MAX: variants seen among roughly 807,000 people sequenced by gnomAD.
The protein encoded by MAX is protein max.
MAX carries 3 observed loss-of-function variants against 22.3 expected under a neutral mutation model. The observed-to-expected ratio is 0.13, with a 90% CI of 0.06 to 0.35. The LOEUF (loss-of-function observed/expected upper bound fraction) is 0.35, where lower values mean the gene tolerates loss of function less well. Ranked by LOEUF, MAX falls within the 10% of genes least tolerant of loss-of-function variation. The pLI, the probability that MAX is intolerant of heterozygous loss-of-function variation, is 1.00. For synonymous variants in MAX, 72 were observed against 77.7 expected, an observed-to-expected ratio of 0.93 and a Z score of 0.39; for missense variants, 119 against 209.4, an observed-to-expected ratio of 0.57 and a Z score of 2.66.
At chr14:65,101,395 C>A in intron 2 of MAX, 151 bp downstream of exon 2, 4 of 702,512 alleles carry the variant, frequency 5.7e-6, no homozygotes, top group African/African-American at 1.8e-5. Context: ...ACCCCCCCAC[C>A]CTCCAGAACC....
intron 3 of MAX, chr14:65,089,840 C>T (rs568196090): frequency 4.5e-5 from 6 of 134,274 alleles, no homozygotes; most frequent in Admixed American, 7.9e-5. Flanking sequence ...GCCCTTACTC[C>T]ATTACTCTGG....
intron 3 of MAX, among the ~76,000 whole-genome samples, chr14:65,081,073 C>G (rs371829014): frequency 8.3e-4 from 126 of 152,294 alleles, no homozygotes; most frequent in African/African-American, 2.8e-3. Context: ...TTGGGAACAA[C>G]AGGAGTCCAA....
In MAX at chr14:65,014,330, A is replaced by G. The variant is rs1473349313; in HGVS notation, c.172-8046T>C. ...CATTTTGCCTTTGGAAGCCTTTCCT[A>G]GCTCCCCAGGCAGAATTAGTCAGTC... On this transcript the variant is annotated intron_variant, in intron 3 of 3. Coordinates refer to the MAX transcript ENST00000341653. This position sits in a 1 kb window ranked among gnomAD's most constrained non-coding sequence, Gnocchi z 5.1. 6.6e-6 allele frequency among the ~76,000 whole-genome samples: 1 copy of G among 152,170 alleles called. No homozygotes were observed. The highest frequency in any genetic ancestry group is 1.5e-5 in the Non-Finnish European group (1 of 68,026).
In MAX at chr14:65,044,283, A is replaced by G. The variant is rs201482556; in HGVS notation, c.172-37999T>C. ...TGGATTTTGTCTCTTTTAGCCTACA[A>G]CTGCCTTTCCCATCTGTGTCTCCTC... On this transcript the variant is annotated intron_variant, in intron 3 of 3. Coordinates refer to the MAX transcript ENST00000341653. This position sits in a 1 kb window ranked among gnomAD's most constrained non-coding sequence, Gnocchi z 5.5. 2.5e-5 allele frequency: 40 copies of G among 1,611,504 alleles called. No homozygotes were observed. The African/African-American group carries it at 3.7e-4, about 15-fold the overall frequency.
At chr14:65,071,193 G>A (rs142628412), downstream of MAX, among the ~76,000 whole-genome samples, 2 of 152,048 alleles carry the variant, frequency 1.3e-5, no homozygotes, top group African/African-American at 2.4e-5. The surrounding 1 kb of genome is among the most constrained non-coding windows in gnomAD (Gnocchi z 4.2). Flanking sequence ...CCAGGCTGGA[G>A]TGCAGTGGCG....
chr14:65,040,155 C>T (rs2139622123), intron 3 of MAX, among the ~76,000 whole-genome samples: 1 of 152,030 alleles, frequency 6.6e-6, no homozygotes, highest in East Asian at 1.9e-4. Context: ...TGCAGTCAAC[C>T]TAGGTAACAG....
intron 2 of MAX, among the ~76,000 whole-genome samples, chr14:65,099,161 T>A (rs1160258446): frequency 1.3e-5 from 2 of 152,118 alleles, no homozygotes; most frequent in Non-Finnish European, 2.9e-5. Flanking sequence ...AAAAATGGAA[T>A]CCTTTTTACC....
rs1245893718 is a variant in MAX, at chr14:65,023,443, C to T, written c.172-17159G>A. Among the ~76,000 whole-genome samples, 2 of 152,154 alleles carry T rather than the reference C, an allele frequency of 1.3e-5. No homozygotes were observed. The highest frequency in any genetic ancestry group is 2.9e-5 in the Non-Finnish European group (2 of 68,034). On this transcript the variant is annotated intron_variant, in intron 3 of 3. Coordinates refer to the MAX transcript ENST00000341653. The surrounding 1 kb of genome is among the most constrained non-coding windows in gnomAD (Gnocchi z 4.1). ...AAGGCTGAGAGGCAATCGCTGATAT[C>T]CCTGCTTTGAACTTGACCCTCTTAC...
rs1402209600 is a variant in MAX, at chr14:65,028,686, TTCTATC to T, written c.172-22408_172-22403del. ...CAAAGGCCTTTAGTTCAAGATGTTC[TTCTATC>T]TCTAACTTGTCTAATCCAACCAAAA... On this transcript the variant is annotated intron_variant, in intron 3 of 3. Transcript: ENST00000341653. This position sits in a 1 kb window ranked among gnomAD's most constrained non-coding sequence, Gnocchi z 4.4. Among the ~76,000 whole-genome samples, 8 of 152,334 alleles carry T rather than the reference TTCTATC, an allele frequency of 5.3e-5. No homozygotes were observed. The East Asian group carries it at 1.5e-3, about 29-fold the overall frequency.
intron 3 of MAX, among the ~76,000 whole-genome samples, chr14:65,086,001 T>A (rs1365900833): frequency 6.6e-6 from 1 of 152,208 alleles, no homozygotes; most frequent in Middle Eastern, 3.4e-3. Flanking sequence ...ATCATGGGGG[T>A]TGGTCTTTCC....
At chr14:65,041,325 C>A (rs1425547747) in intron 3 of MAX, among the ~76,000 whole-genome samples, 2 of 152,194 alleles carry the variant, frequency 1.3e-5, no homozygotes, top group Non-Finnish European at 2.9e-5. Flanking sequence ...TTAGTACCTA[C>A]ATTTAAATGA....
At chr14:65,060,122 C>T (rs140834680) in intron 3 of MAX, among the ~76,000 whole-genome samples, 35 of 151,746 alleles carry the variant, frequency 2.3e-4, no homozygotes, top group East Asian at 9.7e-4. Context: ...CATGAGCCAC[C>T]GCGTCCGGCC....
intron 3 of MAX, among the ~76,000 whole-genome samples, chr14:65,038,961 T>C (rs949830025): frequency 1.3e-5 from 2 of 152,222 alleles, no homozygotes; most frequent in African/African-American, 4.8e-5. Flanking sequence ...TCATATAATA[T>C]TTTATCTAAA....
chr14:65,083,738 C>T (rs1224283301), intron 3 of MAX: 2 of 1,073,032 alleles, frequency 1.9e-6, no homozygotes, highest in East Asian at 5.2e-5. Context: ...AGAGGTACTG[C>T]TGGACTCAAC....
chr14:65,027,426 G>A lies in MAX; in HGVS notation c.172-21142C>T. On this transcript the variant is annotated intron_variant, in intron 3 of 3. Transcript: ENST00000341653. This position sits in a 1 kb window ranked among gnomAD's most constrained non-coding sequence, Gnocchi z 5.7. The stretch of plus-strand genomic sequence containing the variant: ...TTTGACATGAATGCTCTCTGACTTT[G>A]TTTTTGCCCTTTGGCTGTGTACCTA... 6.2e-7 allele frequency: 1 copy of A among 1,612,878 alleles called. No homozygotes were observed. The highest frequency in any genetic ancestry group is 8.5e-7 in the Non-Finnish European group (1 of 1,179,428).
chr14:65,073,746 C>A (rs768735195), downstream of MAX, among the ~76,000 whole-genome samples: 4 of 152,198 alleles, frequency 2.6e-5, no homozygotes, highest in Admixed American at 6.5e-5. Context: ...TTTGACTTGG[C>A]CTTTTCAGCT....
At position 65,037,402 on chromosome 14, in the gene MAX, CCTTTTTTTTTTTTT is replaced by C. The variant is rs2062220736; in HGVS notation, c.172-31132_172-31119del. 2.0e-3 allele frequency among the ~76,000 whole-genome samples: 29 copies of C among 14,534 alleles called. 10 individuals are homozygous for C. The highest frequency in any genetic ancestry group is 9.6e-3 in the East Asian group (6 of 628). 9.5% of individuals were successfully genotyped at this position (14,534 alleles called of 152,430 possible). A position where few individuals can be genotyped will look rare whatever the true frequency, so the allele number is the denominator to read the frequency against. ...ATAGGCGTGAGCCACCACGCCGGGC[CCTTTTTTTTTTTTT>C]TTTTTTTTTTTTTTTTTTTTTTTTT... On this transcript the variant is annotated intron_variant, in intron 3 of 3. Transcript: ENST00000341653.
chr14:65,076,703 G>A lies in MAX; in HGVS notation c.296-40C>T. On this transcript the variant is annotated intron_variant, in intron 4 of 4. Transcript: ENST00000358664. The surrounding 1 kb of genome is among the most constrained non-coding windows in gnomAD (Gnocchi z 6.6). ...AGGGAGTGTGTTACTGCCTTCTGGAGACTTGGGGAGTAACCGAGTCTCAGA... is the reference window on the plus strand; with the variant it reads ...AGGGAGTGTGTTACTGCCTTCTGGAAACTTGGGGAGTAACCGAGTCTCAGA... 1.9e-6 allele frequency: 3 copies of A among 1,613,430 alleles called. No individual in the cohort carries two copies. The highest frequency in any genetic ancestry group is 2.5e-6 in the Non-Finnish European group (3 of 1,179,380).
intron 3 of MAX, among the ~76,000 whole-genome samples, chr14:65,049,215 G>T (rs1242030877): frequency 2.0e-5 from 3 of 151,782 alleles, no homozygotes; most frequent in Non-Finnish European, 4.4e-5. Context: ...CAATAAGAAA[G>T]CAGCAGGCCT....
Sources: gnomAD v4.1 joint callset for allele counts (sites outside exome capture counted in the v4.1 genomes callset) on GRCh38, gnomAD v4.1.1 for gene constraint, Gnocchi (gnomAD v3.1) non-coding constraint, MANE v1.5 for transcripts, NCBI Gene and HGNC (gene_info 2026-07-23, HGNC 2026-07-21) for gene names.